The following AKIP1 variants were observed in gnomAD, a reference collection of about 807,000 sequenced individuals.
The protein encoded by AKIP1 is A-kinase-interacting protein 1.
A neutral mutation model predicts 22.3 loss-of-function variants in AKIP1; 18 were observed. The ratio of observed to expected loss-of-function variants is 0.81; its 90% CI spans 0.56 to 1.19. The LOEUF (loss-of-function observed/expected upper bound fraction) is 1.19, where lower values mean the gene tolerates loss of function less well. Among genes scored for constraint, AKIP1 ranks in the 50% most tolerant of loss-of-function variants. The pLI, the probability that AKIP1 is intolerant of heterozygous loss-of-function variation, is 0.00. For missense variants in AKIP1, 287 were observed against 264.6 expected, an observed-to-expected ratio of 1.08 and a Z score of -0.59; for synonymous variants, 120 against 102.7, an observed-to-expected ratio of 1.17 and a Z score of -1.02.
In AKIP1 at chr11:8,919,397, G is replaced by A. The variant is rs2064541217; in HGVS notation, c.550G>A (p.Val184Met). The change falls in exon 6 of 6, where the codon GTG (valine) becomes ATG (methionine). Residue 184 changes from valine (V) to methionine (M), a missense_variant. Transcript: ENST00000309377. ...ATATCCAGGGACCTATTCTGTCACT[G>A]TGGGCTCAAATGACTTAACCAAGAA... is the stretch of plus-strand genomic sequence containing the variant. ...EVYPGTYSVT[V>M]GSNDLTKKTH... The A allele has an allele frequency of 3.1e-6, 5 of 1,614,158 alleles. No individual in the cohort carries two copies. In the Middle Eastern group the frequency reaches 4.9e-4, roughly 160 times the overall value.
In AKIP1 at chr11:8,917,560, C is replaced by CT. The variant is rs1441656244; in HGVS notation, c.489+194dup. 2.6e-5 allele frequency: 16 copies of CT among 606,312 alleles called. No homozygotes were observed. The Admixed American group carries it at 3.3e-4, about 12-fold the overall frequency. The allele number at this position is 606,312 out of a possible 1,614,324, so 37.6% of individuals were successfully genotyped here. A position where few individuals can be genotyped will look rare whatever the true frequency, so the allele number is the denominator to read the frequency against. On this transcript the variant is annotated intron_variant, in intron 5 of 5. Coordinates refer to ENST00000309377, the MANE Select transcript of AKIP1 (RefSeq NM_020642.4). ...GTTTTCTTGGTATTCTTCCTTCACT[C>CT]TAAGCTTCAGGGATACTCTTTGTGC... is the stretch of plus-strand genomic sequence containing the variant.
At chr11:8,913,165 C>T (rs940739502) in intron 3 of AKIP1, among the ~76,000 whole-genome samples, 1 of 149,892 alleles carries the variant, frequency 6.7e-6, no homozygotes, top group African/African-American at 2.5e-5. Context: ...AGGTGTGAGC[C>T]ACCGTGCCCG....
rs778423484 is a variant in AKIP1 at position 8,919,508 on chromosome 11, CT to C, written c.*35del. ...TTGACCATCACTGCCATCACATCAC[CT>C]TTTTTTAAGTAGTAAGAATAAAGCC... On this transcript the variant is annotated 3_prime_UTR_variant, in exon 6 of 6. Coordinates refer to ENST00000309377, the MANE Select transcript of AKIP1 (RefSeq NM_020642.4). The C allele has an allele frequency of 1.9e-6, 3 of 1,607,324 alleles. No individual in the cohort carries two copies. The highest frequency in any genetic ancestry group is 2.2e-5 in the East Asian group (1 of 44,834).
rs1287520062 is a variant in AKIP1 at position 8,911,358 on chromosome 11, G to A, written c.-6-86G>A. 47 of 1,266,924 alleles carry A rather than the reference G, an allele frequency of 3.7e-5. No homozygotes were observed. In the South Asian group the frequency reaches 5.2e-4, roughly 14 times the overall value. 78.5% of individuals were successfully genotyped at this position (1,266,924 alleles called of 1,614,324 possible). A position where few individuals can be genotyped will look rare whatever the true frequency, so the allele number is the denominator to read the frequency against. Reference sequence around the variant, plus strand: ...AGGAGCGGTGGTCTCCAGGGAGGTCGAGGCTGGGGCTCCCACCCGGATTTG... The same window carrying A: ...AGGAGCGGTGGTCTCCAGGGAGGTCAAGGCTGGGGCTCCCACCCGGATTTG... On this transcript the variant is annotated intron_variant, in intron 1 of 5. Coordinates refer to ENST00000309377, the MANE Select transcript of AKIP1 (RefSeq NM_020642.4).
intron 3 of AKIP1, among the ~76,000 whole-genome samples, chr11:8,913,277 C>G (rs2064428419): frequency 1.3e-5 from 2 of 149,920 alleles, no homozygotes; most frequent in Non-Finnish European, 3.0e-5. Context: ...ACCTCCTGGC[C>G]TCCTGGTTCA....
chr11:8,916,542 G>A (rs142932827), intron 4 of AKIP1, among the ~76,000 whole-genome samples: 1 of 152,200 alleles, frequency 6.6e-6, no homozygotes, highest in Non-Finnish European at 1.5e-5. Context: ...CTATTCCAGA[G>A]TCTAAGTTGG....
intron 3 of AKIP1, among the ~76,000 whole-genome samples, 176 bp downstream of exon 3, chr11:8,912,709 C>T (rs2064404572): frequency 6.6e-6 from 1 of 151,976 alleles, no homozygotes. Context: ...AGAATTCACC[C>T]AATAAATGTT....
At chr11:8,912,365 A>G (rs900502168) in intron 2 of AKIP1, 88 bp from the exon 3 acceptor site, 1 of 1,058,470 alleles carries the variant, frequency 9.4e-7, no homozygotes, top group Non-Finnish European at 1.5e-6. Flanking sequence ...GCCTTTCCAA[A>G]AGTAAAAAGG....
intron 4 of AKIP1, among the ~76,000 whole-genome samples, 155 bp from the exon 5 acceptor site, chr11:8,917,132 C>T (rs780674826): frequency 6.6e-5 from 10 of 152,212 alleles, no homozygotes; most frequent in Non-Finnish European, 1.5e-4. Flanking sequence ...AAATACCTCA[C>T]AGAATTCACT....
At chr11:8,911,706 T>C in intron 2 of AKIP1, 35 bp downstream of exon 2, 1 of 1,466,360 alleles carries the variant, frequency 6.8e-7, no homozygotes, top group Non-Finnish European at 9.0e-7. Context: ...GCCCCAGTCC[T>C]TCGCGCCGCG....
Position 8,912,459 on chromosome 11 carries a change from G to A in AKIP1, c.229G>A (p.Glu77Lys). 1.9e-6 allele frequency: 3 copies of A among 1,613,814 alleles called. No homozygotes were observed. Among genetic ancestry groups the A allele is most frequent in the Non-Finnish European group, 2.5e-6 (3 of 1,179,694 alleles). Residue 77 changes from glutamate to lysine, a missense_variant, in exon 3 of 6, where the codon GAG becomes AAG. Coordinates refer to ENST00000309377, the MANE Select transcript of AKIP1 (RefSeq NM_020642.4). Reference protein sequence around the residue: ...PQRVLPGEREERPPTLSASFR... With the variant: ...PQRVLPGEREKRPPTLSASFR... ...GTGCCATTTATTCAAATAGAGAGAA[G>A]AGAGACCCCCAACCCTTAGTGCTTC...
chr11:8,917,443 G>A, intron 5 of AKIP1, 76 bp downstream of exon 5: 2 of 1,100,438 alleles, frequency 1.8e-6, no homozygotes, highest in Non-Finnish European at 2.8e-6. Context: ...GGTTCTTAGA[G>A]GGCTATTTGA....
chr11:8,912,469 C>T lies in AKIP1; in HGVS notation c.239C>T (p.Pro80Leu), dbSNP rs2064395908. 6.2e-7 allele frequency: 1 copy of T among 1,614,044 alleles called. No homozygotes were observed. The highest frequency in any genetic ancestry group is 1.7e-5 in the Admixed American group (1 of 60,030). ...TTCAAATAGAGAGAAGAGAGACCCC[C>T]AACCCTTAGTGCTTCCTTCAGAACA... The part of the protein sequence containing the change: ...VLPGEREERP[P>L]TLSASFRTMA... Residue 80 changes from proline (P) to leucine (L), a missense_variant, in exon 3 of 6, where the codon CCA (proline) becomes CTA (leucine). Coordinates refer to ENST00000309377, the MANE Select transcript of AKIP1 (RefSeq NM_020642.4).
At position 8,911,474 on chromosome 11, in the gene AKIP1, G is replaced by T. The variant is rs766405370; in HGVS notation, c.25G>T (p.Ala9Ser). Residue 9 changes from alanine to serine, a missense_variant, in exon 2 of 6, where the codon GCG becomes TCG. Transcript: ENST00000309377. ...CATGGACAACTGTTTGGCGGCCGCA[G>T]CGCTGAATGGGGTGGACCGACGTTC... MDNCLAAA[A>S]LNGVDRRSLQ... is the part of the protein sequence containing the mutation. 1.5e-5 allele frequency: 24 copies of T among 1,603,142 alleles called. No individual in the cohort carries two copies. Among genetic ancestry groups the T allele is most frequent in the African/African-American group, 4.0e-5 (3 of 74,856 alleles).
chr11:8,912,683 G>C, intron 3 of AKIP1, 150 bp downstream of exon 3: 2 of 699,746 alleles, frequency 2.9e-6, no homozygotes, highest in South Asian at 3.4e-5. Context: ...CTTAAACCAG[G>C]GGGTAAATCC....
At chr11:8,912,581 C>A in intron 3 of AKIP1, 48 bp downstream of exon 3, 1 of 1,506,534 alleles carries the variant, frequency 6.6e-7, no homozygotes, top group Non-Finnish European at 9.2e-7. Context: ...GCTGATGGAC[C>A]ACATTTGGAT....
chr11:8,912,450 T>C lies in AKIP1; in HGVS notation c.223-3T>C, dbSNP rs751684945. On this transcript the variant is annotated splice_polypyrimidine_tract_variant and splice_region_variant and intron_variant, in intron 2 of 5. Coordinates refer to ENST00000309377, the MANE Select transcript of AKIP1 (RefSeq NM_020642.4). ...ACCTGTGACGTGCCATTTATTCAAATAGAGAGAAGAGAGACCCCCAACCCT... is the reference window on the plus strand; with the variant it reads ...ACCTGTGACGTGCCATTTATTCAAACAGAGAGAAGAGAGACCCCCAACCCT... The C allele has an allele frequency of 1.9e-6, 3 of 1,612,618 alleles. No homozygotes were observed. The highest frequency in any genetic ancestry group is 1.3e-5 in the African/African-American group (1 of 74,984).
intron 3 of AKIP1, among the ~76,000 whole-genome samples, chr11:8,913,318 G>C (rs902844977): frequency 6.6e-6 from 1 of 151,844 alleles, no homozygotes; most frequent in African/African-American, 2.4e-5. Flanking sequence ...CTCCCGAGTA[G>C]CTGGGACTAC....
At position 8,911,650 on chromosome 11, in the gene AKIP1, G is replaced by C; in HGVS notation, c.201G>C (p.Pro67=). ...PHLEKQPAAG[P]QRVLPGEREE... ...TAGAGAAACAGCCGGCAGCCGGCCCGCAGCGCGTTCTCCCGGGAGAGGTGA... is the reference window on the plus strand; with the variant it reads ...TAGAGAAACAGCCGGCAGCCGGCCCCCAGCGCGTTCTCCCGGGAGAGGTGA... The change falls in exon 2 of 6, where the codon CCG becomes CCC. Residue 67 remains proline (P), a synonymous_variant. Transcript: ENST00000309377. 6.4e-7 allele frequency: 1 copy of C among 1,568,938 alleles called. No individual in the cohort carries two copies. The highest frequency in any genetic ancestry group is 8.6e-7 in the Non-Finnish European group (1 of 1,159,886).
Sources: gnomAD v4.1 joint callset for allele counts (sites outside exome capture counted in the v4.1 genomes callset) on GRCh38, gnomAD v4.1.1 for gene constraint, MANE v1.5 for transcripts, NCBI Gene and HGNC (gene_info 2026-07-23, HGNC 2026-07-21) for gene names.